NEB: variants seen among roughly 807,000 people sequenced by gnomAD.
The protein encoded by NEB is nebulin.
In NEB, 512 loss-of-function variants were observed where a neutral mutation model predicts 952.2. That is an observed-to-expected ratio of 0.54 (90% CI 0.50 to 0.58). NEB has a LOEUF of 0.58. Ranked by LOEUF, NEB falls within the 20% of genes least tolerant of loss-of-function variation. The probability of loss-of-function intolerance (pLI) is 0.00; values close to 1 mark genes in which losing one functional copy is unlikely to be tolerated. For synonymous variants in NEB, 2,900 were observed against 3,149.8 expected (o/e 0.92, Z 2.66); for missense variants, 8,428 against 9,231.1 (o/e 0.91, Z 3.56).
rs746286869 is a variant in NEB, at chr2:151,724,346, A to T, written c.526T>A (p.Trp176Arg). The T allele has an allele frequency of 6.2e-7, 1 of 1,611,818 alleles. No homozygotes were observed. The highest frequency in any genetic ancestry group is 1.1e-5 in the South Asian group (1 of 90,474). ...QVSKVLYKQNWEDTKDKYLLP... is the reference protein window; with the variant it reads ...QVSKVLYKQNREDTKDKYLLP... Reference sequence around the variant, plus strand: ...AGGTACTTATCCTTGGTGTCTTCCCAGTTCTGCTTGTATAAAACCTAGACA... The same window carrying T: ...AGGTACTTATCCTTGGTGTCTTCCCTGTTCTGCTTGTATAAAACCTAGACA... The change falls in exon 8 of 182, where the codon TGG becomes AGG. Residue 176 changes from tryptophan to arginine, a missense_variant. Around this residue, in one of 11 missense-constraint regions of NEB, gnomAD observed 2,851 missense variants for 2,791.5 expected, o/e 1.02. Transcript: ENST00000397345.
intron 128 of NEB, 63 bp from the exon 129 acceptor site, chr2:151,551,908 A>C: frequency 8.6e-7 from 1 of 1,166,670 alleles, no homozygotes; most frequent in East Asian, 2.4e-5. Context: ...CTCTTTAAAA[A>C]AAATAACGGT....
chr2:151,576,547 T>C (rs1421531121), intron 105 of NEB, among the ~76,000 whole-genome samples, 193 bp from the exon 106 acceptor site: 3 of 118,066 alleles, frequency 2.5e-5, no homozygotes, highest in African/African-American at 1.0e-4. Context: ...TTTTTTTTTT[T>C]TTGAGACAGA....
rs1409628999 is a variant in NEB, at chr2:151,724,932, A to T, written c.432T>A (p.Ala144=). Reference sequence around the variant, plus strand: ...TTTCATCTACGTGACATATAGTCTTAGCAACATCACCATCCATTCGATACT... The same window carrying T: ...TTTCATCTACGTGACATATAGTCTTTGCAACATCACCATCCATTCGATACT... ...EVKYRMDGDV[A]KTICHVDEKA... is the part of the protein sequence containing the mutation. The change falls in exon 7 of 182, where the codon GCT becomes GCA. Residue 144 remains alanine (A), a synonymous_variant. Coordinates refer to ENST00000397345, the MANE Select transcript of NEB (RefSeq NM_001164508.2). The T allele has an allele frequency of 6.2e-7, 1 of 1,613,870 alleles. No individual in the cohort carries two copies. Among genetic ancestry groups the T allele is most frequent in the South Asian group, 1.1e-5 (1 of 91,082 alleles).
intron 37 of NEB, 65 bp from the exon 38 acceptor site, chr2:151,671,294 C>A (rs558430454): frequency 4.2e-5 from 57 of 1,343,730 alleles, no homozygotes; most frequent in Middle Eastern, 2.0e-4. Flanking sequence ...TTTCTGGGAT[C>A]TGCAATTCTA....
chr2:151,668,643 T>G (rs1262454441), intron 39 of NEB, among the ~76,000 whole-genome samples: 5 of 152,136 alleles, frequency 3.3e-5, no homozygotes, highest in Admixed American at 2.6e-4. Context: ...AAAAAAAGAT[T>G]TTGTGAAGAA....
In NEB at chr2:151,519,057, C is replaced by T; in HGVS notation, c.22603G>A (p.Ala7535Thr). The T allele has an allele frequency of 1.9e-6, 3 of 1,609,836 alleles. No homozygotes were observed. Among genetic ancestry groups the T allele is most frequent in the Non-Finnish European group, 2.6e-6 (3 of 1,176,300 alleles). The part of the protein sequence containing the change: ...NNLASEVKYK[A>T]DLKKLHKPVT... ...GGTTTGTGAAGTTTCTTCAGGTCAG[C>T]CTTGTATTTAACCTGTGTGTTATGG... is the stretch of plus-strand genomic sequence containing the variant. The change falls in exon 155 of 182, where the codon GCT (alanine) becomes ACT (threonine). Residue 7535 changes from alanine to threonine, a missense_variant. Ala to Thr is a moderately conservative substitution (Grantham distance 58). Transcript: ENST00000397345.
chr2:151,717,324 T>C, intron 10 of NEB, 92 bp downstream of exon 10: 1 of 879,472 alleles, frequency 1.1e-6, no homozygotes, highest in Non-Finnish European at 1.9e-6. Context: ...TTGTGTTTTA[T>C]CTTCAGTCTC....
chr2:151,503,560 A>G (rs997959347), intron 165 of NEB, 119 bp from the exon 166 acceptor site: 1 of 643,146 alleles, frequency 1.6e-6, no homozygotes. Flanking sequence ...CAAATATAAC[A>G]TTCAAGGAAC....
At chr2:151,716,057 C>A in intron 10 of NEB, 1 of 364,952 alleles carries the variant, frequency 2.7e-6, no homozygotes, top group Non-Finnish European at 5.4e-6. Context: ...CACTTGAAAA[C>A]ACCTTTTTAT....
At chr2:151,658,629 A>G (rs935807647) in intron 47 of NEB, among the ~76,000 whole-genome samples, 1 of 152,210 alleles carries the variant, frequency 6.6e-6, no homozygotes, top group Admixed American at 6.5e-5. Context: ...ACATTTGCAC[A>G]TTCTTTGTTT....
chr2:151,508,622 C>A (rs1021945787), intron 161 of NEB, among the ~76,000 whole-genome samples: 2 of 152,218 alleles, frequency 1.3e-5, no homozygotes, highest in Non-Finnish European at 2.9e-5. Context: ...AGGACTGAGC[C>A]GGCAGTCAGA....
At position 151,493,803 on chromosome 2, in the gene NEB, A is replaced by C. The variant is rs1171968563; in HGVS notation, c.24644T>G (p.Val8215Gly). The part of the protein sequence containing the change: ...PTPFTPEMER[V>G]KRNQENFSSV... The stretch of plus-strand genomic sequence containing the variant: ...GCTAAAGTTTTCTTGATTGCGTTTC[A>C]CTCTTTCCATCTCAGGAGTAAAGGG... Residue 8215 changes from valine to glycine, a missense_variant, in exon 175 of 182, where the codon GTG (valine) becomes GGG (glycine). Transcript: ENST00000397345. 1 of 1,584,382 alleles carries C rather than the reference A, an allele frequency of 6.3e-7. No homozygotes were observed. The highest frequency in any genetic ancestry group is 1.2e-5 in the South Asian group (1 of 86,624).
intron 105 of NEB, among the ~76,000 whole-genome samples, chr2:151,578,277 G>C (rs867331544): frequency 8.5e-6 from 1 of 117,452 alleles, no homozygotes; most frequent in Non-Finnish European, 2.2e-5. Context: ...TGTGAAGAAC[G>C]TCAAGTAAAA....
chr2:151,502,762 A>ATT lies in NEB; in HGVS notation c.23928+29_23928+30dup, dbSNP rs201290038. ...TTATTATTTTAAATAAAATTAAGGG[A>ATT]TTTTTTTTTTTTTGGCCCCCTAAGA... On this transcript the variant is annotated intron_variant, in intron 167 of 181. Coordinates refer to ENST00000397345, the MANE Select transcript of NEB (RefSeq NM_001164508.2). The ATT allele has an allele frequency of 1.1e-3, 1,096 of 1,038,528 alleles. 2 individuals are homozygous for ATT. The African/African-American group carries it at 0.012, about 11-fold the overall frequency. 64.3% of individuals were successfully genotyped at this position (1,038,528 alleles called of 1,614,324 possible). A position where few individuals can be genotyped will look rare whatever the true frequency, so the allele number is the denominator to read the frequency against.
At chr2:151,581,748 T>A (rs956190691) in intron 102 of NEB, among the ~76,000 whole-genome samples, 161 bp from the exon 103 acceptor site, 7 of 151,106 alleles carry the variant, frequency 4.6e-5, no homozygotes, top group African/African-American at 1.5e-4. Context: ...TAAATTAAAA[T>A]TTTTAAGTAA....
At chr2:151,687,192 C>T (rs112268049) in intron 27 of NEB, among the ~76,000 whole-genome samples, 2,448 of 152,232 alleles carry the variant, frequency 0.016, 27 homozygotes, top group Middle Eastern at 0.031. Flanking sequence ...TTAATGCATA[C>T]ATTTTTCAAA....
chr2:151,531,360 A>C (rs148641869), intron 144 of NEB, among the ~76,000 whole-genome samples: 1,403 of 117,356 alleles, frequency 0.012, 32 homozygotes, highest in African/African-American at 0.045. Flanking sequence ...TTTGCCACCC[A>C]GGCTGGAGTG....
Position 151,607,215 on chromosome 2 carries a change from A to G in NEB, c.12639+289T>C, listed in dbSNP as rs1224487607. On this transcript the variant is annotated intron_variant, in intron 83 of 181. Coordinates refer to ENST00000397345, the MANE Select transcript of NEB (RefSeq NM_001164508.2). ...TGTCAAATGAAAAAGTCCTGGATCA[A>G]TTAAAAAAACCTAAGATGATAACAG... Among the ~76,000 whole-genome samples, 2 of 103,884 alleles carry G rather than the reference A, an allele frequency of 1.9e-5. 1 individual carries two copies. The highest frequency in any genetic ancestry group is 5.1e-5 in the Non-Finnish European group (2 of 39,570). The allele number at this position is 103,884 out of a possible 152,430, so 68.2% of individuals were successfully genotyped here.
intron 111 of NEB, 98 bp from the exon 112 acceptor site, chr2:151,568,515 A>C (rs1490967670): frequency 6.9e-7 from 1 of 1,452,572 alleles, no homozygotes; most frequent in Non-Finnish European, 9.6e-7. Context: ...TCAATGATTA[A>C]AATCTGTATT....
Sources: gnomAD v4.1 joint callset for allele counts (sites outside exome capture counted in the v4.1 genomes callset) on GRCh38, gnomAD v4.1.1 for gene constraint, gnomAD v4.1.1 regional missense constraint, MANE v1.5 for transcripts, NCBI Gene and HGNC (gene_info 2026-07-23, HGNC 2026-07-21) for gene names.